HMGXB3: variants seen among roughly 807,000 people sequenced by gnomAD.
HMGXB3 encodes HMG domain-containing protein 3.
HMGXB3 carries 45 observed loss-of-function variants against 121.5 expected under a neutral mutation model. The observed-to-expected ratio is 0.37, with a 90% CI of 0.29 to 0.47. HMGXB3 has a LOEUF of 0.47. Ranked by LOEUF, HMGXB3 falls within the 20% of genes least tolerant of loss-of-function variation. The probability of loss-of-function intolerance (pLI) is 0.99; values close to 1 mark genes in which losing one functional copy is unlikely to be tolerated. For synonymous variants in HMGXB3, 590 were observed against 624.1 expected, an observed-to-expected ratio of 0.95 and a Z score of 0.81; for missense variants, 1,376 against 1,602.2, an observed-to-expected ratio of 0.86 and a Z score of 2.41.
Position 150,048,621 on chromosome 5 carries a change from C to T in HMGXB3, c.3137C>T (p.Ala1046Val). ...LALYESVQNG[A>V]RAIRPPRHFT... Reference sequence around the variant, plus strand: ...CTCTACGAATCTGTACAGAATGGAGCTAGAGCTATACGGCCCCCACGTCAC... The same window carrying T: ...CTCTACGAATCTGTACAGAATGGAGTTAGAGCTATACGGCCCCCACGTCAC... Residue 1046 changes from alanine to valine, a missense_variant, in exon 18 of 20, where the codon GCT becomes GTT. Ala to Val is a moderately conservative substitution (Grantham distance 64, BLOSUM62 0). Coordinates refer to ENST00000502717, the MANE Select transcript of HMGXB3 (RefSeq NM_014983.3). The T allele has an allele frequency of 6.4e-7, 1 of 1,552,024 alleles. No homozygotes were observed. Among genetic ancestry groups the T allele is most frequent in the Non-Finnish European group, 8.7e-7 (1 of 1,147,062 alleles).
At chr5:150,023,281 C>T (rs530853072) in intron 6 of HMGXB3, among the ~76,000 whole-genome samples, 1 of 152,258 alleles carries the variant, frequency 6.6e-6, no homozygotes, top group South Asian at 2.1e-4. Flanking sequence ...AGGTCCTACA[C>T]ACTATAGAAT....
At chr5:150,022,817 CTT>C (rs11388244) in intron 6 of HMGXB3, among the ~76,000 whole-genome samples, 14 of 119,910 alleles carry the variant, frequency 1.2e-4, no homozygotes, top group East Asian at 2.4e-4. Flanking sequence ...GTTACTGGCT[CTT>C]TTTTTTTTTT....
chr5:150,051,932 A>G lies in HMGXB3; in HGVS notation c.3619A>G (p.Ile1207Val), dbSNP rs1461966917. 3.9e-6 allele frequency: 6 copies of G among 1,552,160 alleles called. No individual in the cohort carries two copies. The highest frequency in any genetic ancestry group is 1.7e-4 in the Middle Eastern group (1 of 6,016). Reference sequence around the variant, plus strand: ...ACCTTACGCAACCATCCTGGCCTCCATCGTGGACAGCAAACCAAACGGTGT... The same window carrying G: ...ACCTTACGCAACCATCCTGGCCTCCGTCGTGGACAGCAAACCAAACGGTGT... The part of the protein sequence containing the change: ...LAPYATILAS[I>V]VDSKPNGVRQ... Residue 1207 changes from isoleucine to valine, a missense_variant, in exon 20 of 20, where the codon ATC becomes GTC. Ile to Val is a conservative substitution (Grantham distance 29). Transcript: ENST00000502717.
chr5:150,046,530 A>T (rs1378397246), intron 16 of HMGXB3, among the ~76,000 whole-genome samples: 1 of 152,194 alleles, frequency 6.6e-6, no homozygotes, highest in Non-Finnish European at 1.5e-5. Context: ...TTAGATATTG[A>T]GGCTGGGCAC....
In HMGXB3 at chr5:150,017,265, A is replaced by C. The variant is rs1375337143; in HGVS notation, c.910-1301A>C. On this transcript the variant is annotated intron_variant, in intron 5 of 19. Coordinates refer to ENST00000502717, the MANE Select transcript of HMGXB3 (RefSeq NM_014983.3). ...TACTTATGAAACTAACCTATCTTAA[A>C]TTTTTACTCTGCTTTCTTGAGGTGT... 5.3e-5 allele frequency among the ~76,000 whole-genome samples: 8 copies of C among 152,162 alleles called. No homozygotes were observed. In the East Asian group the frequency reaches 1.3e-3, roughly 26 times the overall value.
intron 11 of HMGXB3, among the ~76,000 whole-genome samples, chr5:150,035,343 C>A (rs960241473): frequency 6.6e-6 from 1 of 152,084 alleles, no homozygotes; most frequent in East Asian, 1.9e-4. Context: ...AAAAAGGAAG[C>A]GAAACTCATT....
chr5:150,029,156 C>T (rs1177203280), intron 9 of HMGXB3, among the ~76,000 whole-genome samples: 2 of 151,938 alleles, frequency 1.3e-5, no homozygotes, highest in Non-Finnish European at 2.9e-5. Context: ...TTTTTTAATA[C>T]AGTTTTTTAA....
In HMGXB3 at chr5:150,045,540, G is replaced by T; in HGVS notation, c.2805G>T (p.Val935=). 6.4e-7 allele frequency: 1 copy of T among 1,552,280 alleles called. No individual in the cohort carries two copies. The highest frequency in any genetic ancestry group is 8.7e-7 in the Non-Finnish European group (1 of 1,147,128). ...TTTGGGCCACGATGGAGACAGAGGT[G>T]ATTGAGCAGGTGGCATTTCCTGCCA... ...EDFWATMETE[V]IEQVAFPASI... is the part of the protein sequence containing the mutation. The change falls in exon 16 of 20, where the codon GTG becomes GTT. Residue 935 remains valine (V), a synonymous_variant. Transcript: ENST00000502717.
chr5:150,027,945 GA>G, intron 9 of HMGXB3, among the ~76,000 whole-genome samples: 1 of 152,190 alleles, frequency 6.6e-6, no homozygotes, highest in Non-Finnish European at 1.5e-5. Context: ...TGTGAACCCT[GA>G]AAATCTGAGA....
intron 13 of HMGXB3, among the ~76,000 whole-genome samples, chr5:150,038,093 T>C (rs1269176065): frequency 6.6e-6 from 1 of 152,202 alleles, no homozygotes; most frequent in Non-Finnish European, 1.5e-5. Flanking sequence ...ACAGCCCTAA[T>C]TTGTCTTTTG....
intron 1 of HMGXB3, among the ~76,000 whole-genome samples, chr5:150,002,622 A>C (rs2074990983): frequency 6.6e-6 from 1 of 152,144 alleles, no homozygotes; most frequent in South Asian, 2.1e-4. Flanking sequence ...TTCTCCCTCC[A>C]AGGATTGAGA....
intron 15 of HMGXB3, among the ~76,000 whole-genome samples, chr5:150,042,816 A>G: frequency 6.6e-6 from 1 of 152,240 alleles, no homozygotes; most frequent in East Asian, 1.9e-4. Flanking sequence ...GGCTTCATAG[A>G]TTAATTAGAA....
At chr5:150,046,737 G>A (rs542754918) in intron 16 of HMGXB3, among the ~76,000 whole-genome samples, 22 of 151,830 alleles carry the variant, frequency 1.4e-4, no homozygotes, top group African/African-American at 5.3e-4. Flanking sequence ...GCGTGAACCC[G>A]GGAGGCGGAG....
chr5:150,028,560 T>TATATATATATA (rs57641340), intron 9 of HMGXB3, among the ~76,000 whole-genome samples: 13 of 70,078 alleles, frequency 1.9e-4, no homozygotes, highest in African/African-American at 7.8e-4. Context: ...TATATATATA[T>TATATATATATA]TTTTTTTTTT....
intron 7 of HMGXB3, among the ~76,000 whole-genome samples, chr5:150,025,831 C>T (rs1470222335): frequency 2.0e-5 from 3 of 152,022 alleles, no homozygotes; most frequent in African/African-American, 7.2e-5. Context: ...CCTTGGCCTC[C>T]CAAATACATC....
intron 6 of HMGXB3, among the ~76,000 whole-genome samples, chr5:150,019,584 T>C (rs183683873): frequency 2.8e-4 from 43 of 152,286 alleles, no homozygotes; most frequent in African/African-American, 9.6e-4. Context: ...GGCAGTAAAT[T>C]CTCACCTAGT....
intron 5 of HMGXB3, 53 bp from the exon 6 acceptor site, chr5:150,018,513 C>T: frequency 4.3e-6 from 6 of 1,402,944 alleles, no homozygotes. Context: ...TTATAGTGGT[C>T]ATCAGTCTGA....
At chr5:150,020,852 G>A (rs548149348) in intron 6 of HMGXB3, among the ~76,000 whole-genome samples, 21 of 149,696 alleles carry the variant, frequency 1.4e-4, no homozygotes, top group African/African-American at 4.9e-4. Flanking sequence ...TGATCCTTAT[G>A]TCTCAGCCTC....
intron 15 of HMGXB3, among the ~76,000 whole-genome samples, chr5:150,043,883 C>T (rs1366313618): frequency 1.3e-5 from 2 of 152,234 alleles, no homozygotes; most frequent in Non-Finnish European, 2.9e-5. Context: ...ACCCTAAGCA[C>T]TGCCATTCTC....
Sources: allele counts gnomAD v4.1 joint callset (sites outside exome capture counted in the v4.1 genomes callset), GRCh38; gene constraint gnomAD v4.1.1; transcripts MANE v1.5; gene names NCBI Gene and HGNC (gene_info 2026-07-23, HGNC 2026-07-21).